Variants in GATA6 observed in about 807,000 individuals in gnomAD.
GATA6 encodes transcription factor GATA-6.
Under a neutral mutation model 48.1 loss-of-function variants are expected in GATA6, and 11 were observed. That is an observed-to-expected ratio of 0.23 (90% CI 0.14 to 0.38). The LOEUF is 0.38. Among genes scored for constraint, GATA6 ranks in the 10% least tolerant of loss-of-function variants. The pLI is 1.00. For synonymous variants in GATA6, 419 were observed against 396.1 expected, an observed-to-expected ratio of 1.06 and a Z score of -0.69; for missense variants, 795 against 850.3, an observed-to-expected ratio of 0.93 and a Z score of 0.81.
chr18:22,194,240 C>T (rs1317903317), intron 6 of GATA6, among the ~76,000 whole-genome samples: 1 of 152,208 alleles, frequency 6.6e-6, no homozygotes, highest in African/African-American at 2.4e-5. Flanking sequence ...CCCACCTAAC[C>T]CGGCCAGCTT....
chr18:22,186,102 G>A (rs890276998), intron 6 of GATA6, among the ~76,000 whole-genome samples: 1 of 152,208 alleles, frequency 6.6e-6, no homozygotes, highest in Non-Finnish European at 1.5e-5. Flanking sequence ...CAAAGTATAT[G>A]TATTACATAC....
rs771857951 is a variant in GATA6 at position 22,171,245 on chromosome 18, C to G, written c.101C>G (p.Thr34Arg). Residue 34 changes from threonine to arginine, a missense_variant, in exon 2 of 7, where the codon ACG (threonine) becomes AGG (arginine). By Grantham distance (71) the Thr-to-Arg change is moderately conservative. Around this residue, in one of 5 missense-constraint regions of GATA6, gnomAD observed 591 missense variants for 570.0 expected, o/e 1.04. Coordinates refer to ENST00000269216, the MANE Select transcript of GATA6 (RefSeq NM_005257.6). This position sits in a 1 kb window ranked among gnomAD's most constrained non-coding sequence, Gnocchi z 7.1. ...SRAFPAREPSTPPSPISSSSS... is the reference protein window; with the variant it reads ...SRAFPAREPSRPPSPISSSSS... ...GCCTTTCCAGCGCGGGAGCCCTCCA[C>G]GCCGCCTTCCCCCATCTCTTCCTCG... 6.3e-7 allele frequency: 1 copy of G among 1,598,862 alleles called. No homozygotes were observed. Among genetic ancestry groups the G allele is most frequent in the Non-Finnish European group, 8.5e-7 (1 of 1,179,126 alleles).
chr18:22,194,654 T>C (rs1371876752), intron 6 of GATA6, among the ~76,000 whole-genome samples: 1 of 152,172 alleles, frequency 6.6e-6, no homozygotes, highest in African/African-American at 2.4e-5. Flanking sequence ...TGTGTTTGTA[T>C]GTGTGTGTAT....
intron 6 of GATA6, among the ~76,000 whole-genome samples, chr18:22,183,364 A>T (rs142671616): frequency 6.6e-6 from 1 of 152,274 alleles, no homozygotes; most frequent in East Asian, 1.9e-4. Context: ...TATATATTAT[A>T]TGTGTATATT....
rs889040700 is a variant in GATA6, at chr18:22,201,438, G to A, written c.*615G>A. 3.9e-5 allele frequency: 6 copies of A among 153,202 alleles called. No homozygotes were observed. Among genetic ancestry groups the A allele is most frequent in the African/African-American group, 1.4e-4 (6 of 41,448 alleles). The allele number at this position is 153,202 out of a possible 1,614,324, so 9.5% of individuals were successfully genotyped here. On this transcript the variant is annotated 3_prime_UTR_variant, in exon 7 of 7. Coordinates refer to ENST00000269216, the MANE Select transcript of GATA6 (RefSeq NM_005257.6). The stretch of plus-strand genomic sequence containing the variant: ...AATTTGTAAACAGGGTAGCAAACAA[G>A]ATATTTTTCTTCCATGTATACAATA...
At chr18:22,176,759 G>T in intron 2 of GATA6, 196 bp from the exon 3 acceptor site, 1 of 611,756 alleles carries the variant, frequency 1.6e-6, no homozygotes, top group Non-Finnish European at 2.7e-6. Flanking sequence ...CAGAAGTATT[G>T]GACAAATGGT....
chr18:22,182,705 G>A, intron 4 of GATA6, 52 bp from the exon 5 acceptor site: 1 of 1,322,564 alleles, frequency 7.6e-7, no homozygotes, highest in African/African-American at 1.5e-5. Context: ...TTGGGTCTTT[G>A]GTTTTTCTTC....
At chr18:22,174,747 C>T (rs1598735311) in intron 2 of GATA6, among the ~76,000 whole-genome samples, 1 of 148,876 alleles carries the variant, frequency 6.7e-6, no homozygotes. Context: ...TTTTTTTAAA[C>T]AAACCGTTTT....
At chr18:22,188,170 T>C (rs2033286904) in intron 6 of GATA6, among the ~76,000 whole-genome samples, 1 of 152,150 alleles carries the variant, frequency 6.6e-6, no homozygotes, top group Admixed American at 6.5e-5. Context: ...AAACATAAAG[T>C]GTTGAAGTTA....
At chr18:22,192,153 A>G (rs1161183054) in intron 6 of GATA6, among the ~76,000 whole-genome samples, 7 of 152,214 alleles carry the variant, frequency 4.6e-5, no homozygotes, top group Non-Finnish European at 8.8e-5. Flanking sequence ...GCCAGGCGCT[A>G]GCTCCAGCTC....
intron 6 of GATA6, among the ~76,000 whole-genome samples, chr18:22,195,233 G>A (rs2033376207): frequency 6.6e-6 from 1 of 152,248 alleles, no homozygotes; most frequent in African/African-American, 2.4e-5. Flanking sequence ...GTATAGAACT[G>A]TGAGATTCAC....
chr18:22,195,386 C>T (rs2033377975), intron 6 of GATA6, among the ~76,000 whole-genome samples: 1 of 152,120 alleles, frequency 6.6e-6, no homozygotes, highest in Non-Finnish European at 1.5e-5. Flanking sequence ...TTTCTGATCC[C>T]ATGAAGGTTG....
Position 22,171,439 on chromosome 18 carries a change from G to T in GATA6, c.295G>T (p.Val99Phe). 1 of 1,593,382 alleles carries T rather than the reference G, an allele frequency of 6.3e-7. No individual in the cohort carries two copies. ...GAPHGPSAPG[V>F]AGPGGNLSSW... The stretch of plus-strand genomic sequence containing the variant: ...TCCCCACGGACCTTCGGCGCCTGGG[G>T]TCGCGGGCCCCGGGGGCAACCTGTC... Residue 99 changes from valine to phenylalanine, a missense_variant, in exon 2 of 7, where the codon GTC (valine) becomes TTC (phenylalanine). Coordinates refer to ENST00000269216, the MANE Select transcript of GATA6 (RefSeq NM_005257.6). The surrounding 1 kb of genome is among the most constrained non-coding windows in gnomAD (Gnocchi z 7.1).
chr18:22,187,781 T>A (rs1160160359), intron 6 of GATA6, among the ~76,000 whole-genome samples: 9 of 152,100 alleles, frequency 5.9e-5, no homozygotes, highest in Admixed American at 4.6e-4. Flanking sequence ...CTTAATTTCT[T>A]TTGTAATAGG....
chr18:22,182,683 T>G, intron 4 of GATA6, 74 bp from the exon 5 acceptor site: 1 of 1,073,314 alleles, frequency 9.3e-7, no homozygotes, highest in Non-Finnish European at 1.4e-6. Flanking sequence ...ATGAGAGCTT[T>G]TAGTGCCAAT....
chr18:22,189,141 T>A (rs1403615775), intron 6 of GATA6, among the ~76,000 whole-genome samples: 1 of 152,162 alleles, frequency 6.6e-6, no homozygotes, highest in East Asian at 1.9e-4. Flanking sequence ...TGGGACACTG[T>A]GTGCTTAGCT....
chr18:22,198,070 CTTTCTTTTTTT>C (rs1226539352), intron 6 of GATA6, among the ~76,000 whole-genome samples: 2 of 140,054 alleles, frequency 1.4e-5, no homozygotes, highest in Admixed American at 7.0e-5. Context: ...TCTTCTCTTT[CTTTCTTTTTTT>C]TTTTTTAATT....
rs1416711592 is a variant in GATA6, at chr18:22,185,330, G to A, written c.1620+2287G>A. On this transcript the variant is annotated intron_variant, in intron 6 of 6. Transcript: ENST00000269216. This position sits in a 1 kb window ranked among gnomAD's most constrained non-coding sequence, Gnocchi z 4.3. ...GCAAAGCAACAAGGATGTTAAGGAT[G>A]GGGTTGGAGAGTACTAGTTTCACAC... 1.3e-5 allele frequency among the ~76,000 whole-genome samples: 2 copies of A among 152,232 alleles called. No individual in the cohort carries two copies. The highest frequency in any genetic ancestry group is 4.8e-5 in the African/African-American group (2 of 41,464).
chr18:22,172,350 G>T lies in GATA6; in HGVS notation c.1135+71G>T, dbSNP rs2033067536. 6.7e-7 allele frequency: 1 copy of T among 1,502,308 alleles called. No homozygotes were observed. The highest frequency in any genetic ancestry group is 2.3e-4 in the Middle Eastern group (1 of 4,256). 93.1% of individuals were successfully genotyped at this position (1,502,308 alleles called of 1,614,324 possible). A position where few individuals can be genotyped will look rare whatever the true frequency, so the allele number is the denominator to read the frequency against. ...GGCGCACGGGGGACGTGGAGCAGCTGCTCCACTCGGGCCCTGTTTTCAGGA... is the reference window on the plus strand; with the variant it reads ...GGCGCACGGGGGACGTGGAGCAGCTTCTCCACTCGGGCCCTGTTTTCAGGA... On this transcript the variant is annotated intron_variant, in intron 2 of 6. Coordinates refer to ENST00000269216, the MANE Select transcript of GATA6 (RefSeq NM_005257.6). This position sits in a 1 kb window ranked among gnomAD's most constrained non-coding sequence, Gnocchi z 5.2.
Sources: allele counts gnomAD v4.1 joint callset (sites outside exome capture counted in the v4.1 genomes callset), GRCh38; gene constraint gnomAD v4.1.1; regional missense constraint gnomAD v4.1.1; non-coding constraint Gnocchi (gnomAD v3.1); transcripts MANE v1.5; gene names NCBI Gene and HGNC (gene_info 2026-07-23, HGNC 2026-07-21).